Variants in UGP2 observed in about 807,000 individuals in gnomAD.
UGP2 encodes the protein UTP--glucose-1-phosphate uridylyltransferase.
UGP2 carries 40 observed loss-of-function variants against 49.0 expected under a neutral mutation model. The ratio of observed to expected loss-of-function variants is 0.82; its 90% CI spans 0.63 to 1.06. UGP2 has a LOEUF of 1.06. Among genes scored for constraint, UGP2 ranks in the 50% least tolerant of loss-of-function variants. The pLI is 0.00. For missense variants in UGP2, 460 were observed against 603.5 expected (o/e 0.76, Z 2.49); for synonymous variants, 225 against 213.0 (o/e 1.06, Z -0.49).
At position 63,842,144 on chromosome 2, in the gene UGP2, A is replaced by G. The variant is rs200172522; in HGVS notation, c.-42A>G. On this transcript the variant is annotated 5_prime_UTR_variant, in exon 1 of 10. Transcript: ENST00000337130. The stretch of plus-strand genomic sequence containing the variant: ...CTGCCCTGTAGCGTGACTCCTCTAG[A>G]AAAAAAAAAAAAAAGCCGGAGTATT... 174 of 249,176 alleles carry G rather than the reference A, an allele frequency of 7.0e-4. No homozygotes were observed. The highest frequency in any genetic ancestry group is 3.7e-4 in the Admixed American group (7 of 18,756). The allele number at this position is 249,176 out of a possible 1,614,324, so 15.4% of individuals were successfully genotyped here. A position where few individuals can be genotyped will look rare whatever the true frequency, so the allele number is the denominator to read the frequency against.
intron 1 of UGP2, among the ~76,000 whole-genome samples, chr2:63,853,763 G>A (rs532392019): frequency 1.3e-4 from 20 of 152,292 alleles, no homozygotes; most frequent in African/African-American, 3.9e-4. Flanking sequence ...TTGTCAGATT[G>A]ACTGTAGCCC....
At chr2:63,885,959 T>C (rs983812745) in intron 6 of UGP2, 73 bp downstream of exon 6, 3 of 1,450,410 alleles carry the variant, frequency 2.1e-6, no homozygotes, top group East Asian at 2.4e-5. Context: ...AAAGACTTTT[T>C]TATTTGAAAG....
chr2:63,855,287 G>C (rs893362238), intron 1 of UGP2: 2 of 342,752 alleles, frequency 5.8e-6, no homozygotes, highest in East Asian at 1.7e-4. Context: ...AAATTAACAG[G>C]CATTTGTAAA....
At chr2:63,848,471 C>G (rs946058581) in intron 1 of UGP2, among the ~76,000 whole-genome samples, 2 of 152,218 alleles carry the variant, frequency 1.3e-5, no homozygotes, top group Non-Finnish European at 2.9e-5. Flanking sequence ...TCAAGTGATT[C>G]TCCTACCTCA....
At chr2:63,874,924 C>G (rs763563115) in intron 3 of UGP2, among the ~76,000 whole-genome samples, 1 of 152,132 alleles carries the variant, frequency 6.6e-6, no homozygotes, top group Non-Finnish European at 1.5e-5. Context: ...ATGCTTCTTT[C>G]TTGTACAGCT....
At position 63,852,033 on chromosome 2, in the gene UGP2, T is replaced by A. The variant is rs1354909275; in HGVS notation, c.20-4273T>A. ...TTCTCCAAAGTGCTGTGACAGATTATACCCTTATGGCTTACTGGCCAGAAT... is the reference window on the plus strand; with the variant it reads ...TTCTCCAAAGTGCTGTGACAGATTAAACCCTTATGGCTTACTGGCCAGAAT... On this transcript the variant is annotated intron_variant, in intron 1 of 9. Coordinates refer to ENST00000337130, the MANE Select transcript of UGP2 (RefSeq NM_006759.4). Among the ~76,000 whole-genome samples, 4 of 152,204 alleles carry A rather than the reference T, an allele frequency of 2.6e-5. No homozygotes were observed. The East Asian group carries it at 7.7e-4, about 29-fold the overall frequency.
chr2:63,877,963 G>A (rs1434856031), intron 3 of UGP2, among the ~76,000 whole-genome samples: 3 of 119,998 alleles, frequency 2.5e-5, no homozygotes, highest in South Asian at 2.7e-4. Flanking sequence ...ACTGCAGTCC[G>A]CAGTCCGGCC....
At chr2:63,866,269 A>G (rs970549141) in intron 3 of UGP2, among the ~76,000 whole-genome samples, 6 of 152,232 alleles carry the variant, frequency 3.9e-5, no homozygotes, top group African/African-American at 1.4e-4. Context: ...TTCGTGCTAT[A>G]AATAAGGAAA....
At chr2:63,849,774 G>A (rs1668919986) in intron 1 of UGP2, among the ~76,000 whole-genome samples, 1 of 152,182 alleles carries the variant, frequency 6.6e-6, no homozygotes. Context: ...CAGGGTTTGA[G>A]TTCCAGCTTG....
rs147990247 is a variant in UGP2 at position 63,870,661 on chromosome 2, A to G, written c.256-11805A>G. Among the ~76,000 whole-genome samples the G allele has an allele frequency of 6.8e-4, 103 of 152,362 alleles. No homozygotes were observed. The Middle Eastern group carries it at 0.01, about 15-fold the overall frequency. ...TTCAGAGAACAGATTTCATTAATTAATAGCCGTTTGTTTTATTCATTTATT... is the reference window on the plus strand; with the variant it reads ...TTCAGAGAACAGATTTCATTAATTAGTAGCCGTTTGTTTTATTCATTTATT... On this transcript the variant is annotated intron_variant, in intron 3 of 9. Coordinates refer to ENST00000337130, the MANE Select transcript of UGP2 (RefSeq NM_006759.4).
intron 1 of UGP2, among the ~76,000 whole-genome samples, chr2:63,854,597 G>C (rs1163885699): frequency 6.6e-6 from 1 of 151,668 alleles, no homozygotes; most frequent in Non-Finnish European, 1.5e-5. Context: ...GCTTAAGATA[G>C]CTACGCTTCT....
In UGP2 at chr2:63,885,664, T is replaced by G; in HGVS notation, c.651T>G (p.Ala217=). 6.2e-7 allele frequency: 1 copy of G among 1,613,702 alleles called. No individual in the cohort carries two copies. The highest frequency in any genetic ancestry group is 8.5e-7 in the Non-Finnish European group (1 of 1,179,818). The change falls in exon 6 of 10, where the codon GCT becomes GCG. Residue 217 remains alanine, a synonymous_variant. Transcript: ENST00000337130. ...CTTACTCAGGGGAAAATACAGAAGC[T>G]TGGTACCCTCCAGGTCATGGTGATA... ...DVSYSGENTE[A]WYPPGHGDIY... is the part of the protein sequence containing the mutation.
intron 8 of UGP2, 125 bp from the exon 9 acceptor site, chr2:63,889,956 C>T (rs932853481): frequency 1.0e-5 from 7 of 686,608 alleles, no homozygotes; most frequent in Non-Finnish European, 1.5e-5. Flanking sequence ...AGGTGCTTCC[C>T]ACAGAGGACC....
chr2:63,888,517 T>A (rs1400989944), intron 8 of UGP2: 1 of 152,238 alleles, frequency 6.6e-6, no homozygotes, highest in Non-Finnish European at 1.5e-5. Flanking sequence ...CTTGACTCAC[T>A]TATTCCAGTT....
At chr2:63,855,761 C>CA (rs749208674) in intron 1 of UGP2, 26 of 364,708 alleles carry the variant, frequency 7.1e-5, no homozygotes, top group South Asian at 4.3e-4. Context: ...AGCCTGGTCT[C>CA]AAACTCCTGG....
At chr2:63,870,288 T>G (rs891352226) in intron 3 of UGP2, among the ~76,000 whole-genome samples, 25 of 152,210 alleles carry the variant, frequency 1.6e-4, no homozygotes, top group African/African-American at 5.8e-4. Flanking sequence ...AAATATGTAC[T>G]TGATCTGATA....
chr2:63,877,999 CAAAAAAAAAAAAAAAAA>C (rs61669991), intron 3 of UGP2, among the ~76,000 whole-genome samples: 14 of 67,906 alleles, frequency 2.1e-4, no homozygotes, highest in East Asian at 1.4e-3. Flanking sequence ...GACTCCGTCT[CAAAAAAAAAAAAAAAAA>C]AAAAAAAAAA....
At chr2:63,890,297 T>TAG (rs541205836) in intron 9 of UGP2, 112 bp downstream of exon 9, 141,310 of 681,946 alleles carry the variant, frequency 0.21, 17,196 homozygotes, top group Non-Finnish European at 0.24. Flanking sequence ...TAGTGCCACC[T>TAG]TAATTACTAG....
chr2:63,857,701 C>T, intron 2 of UGP2, 128 bp from the exon 3 acceptor site: 1 of 980,442 alleles, frequency 1.0e-6, no homozygotes, highest in South Asian at 1.5e-5. Flanking sequence ...AGTCTTGCTC[C>T]CTCCATGTCC....
Sources: allele counts gnomAD v4.1 joint callset (sites outside exome capture counted in the v4.1 genomes callset), GRCh38; gene constraint gnomAD v4.1.1; transcripts MANE v1.5; gene names NCBI Gene and HGNC (gene_info 2026-07-23, HGNC 2026-07-21).